Variants in CCT7 observed in about 807,000 individuals in gnomAD.
CCT7 encodes the protein chaperonin containing TCP1 subunit 7.
CCT7 carries 16 observed loss-of-function variants against 56.6 expected under a neutral mutation model. That is an observed-to-expected ratio of 0.28 (90% CI 0.19 to 0.43). The LOEUF is 0.43. Ranked by LOEUF, CCT7 falls within the 20% of genes least tolerant of loss-of-function variation. The probability of loss-of-function intolerance (pLI) is 1.00; values close to 1 mark genes in which losing one functional copy is unlikely to be tolerated. For missense variants in CCT7, 519 were observed against 685.6 expected (o/e 0.76, Z 2.71); for synonymous variants, 262 against 254.8 (o/e 1.03, Z -0.27).
chr2:73,247,934 G>A lies in CCT7; in HGVS notation c.783+8G>A, dbSNP rs746191234. On this transcript the variant is annotated splice_region_variant and intron_variant, in intron 7 of 11. Coordinates refer to ENST00000258091, the MANE Select transcript of CCT7 (RefSeq NM_006429.4). ...AGAGTCCACACAGTTGAGGTAGGTG[G>A]GTTCACCAGTTGGTGGGGGCATGGA... 6.2e-7 allele frequency: 1 copy of A among 1,610,436 alleles called. No individual in the cohort carries two copies. The highest frequency in any genetic ancestry group is 1.1e-5 in the South Asian group (1 of 90,988).
chr2:73,240,323 A>G (rs1050198219), intron 2 of CCT7, 114 bp from the exon 3 acceptor site: 3 of 585,774 alleles, frequency 5.1e-6, no homozygotes, highest in East Asian at 2.9e-5. Context: ...CTTTCCCTTC[A>G]GCCCTGCCGT....
chr2:73,244,797 AT>A, intron 6 of CCT7, 82 bp downstream of exon 6: 1 of 1,076,958 alleles, frequency 9.3e-7, no homozygotes, highest in Non-Finnish European at 1.3e-6. Flanking sequence ...AGGGGTACTC[AT>A]TACAGGAATA....
At chr2:73,244,837 GA>G (rs1687267545) in intron 6 of CCT7, 122 bp downstream of exon 6, 5 of 680,238 alleles carry the variant, frequency 7.4e-6, no homozygotes, top group African/African-American at 1.8e-5. Flanking sequence ...CAGGAAGTCA[GA>G]CTTACATTGT....
At chr2:73,239,608 G>A in intron 1 of CCT7, 35 bp from the exon 2 acceptor site, 1 of 1,596,556 alleles carries the variant, frequency 6.3e-7, no homozygotes, top group Non-Finnish European at 8.6e-7. Flanking sequence ...TATAATAGAT[G>A]ATTATTAAAA....
At chr2:73,238,100 T>C (rs1686955998) in intron 1 of CCT7, among the ~76,000 whole-genome samples, 3 of 152,204 alleles carry the variant, frequency 2.0e-5, no homozygotes, top group African/African-American at 7.2e-5. Context: ...TTGGGTATTT[T>C]TCGTTTTCTT....
intron 1 of CCT7, chr2:73,235,633 A>C (rs1408866116): frequency 1.2e-6 from 1 of 822,288 alleles, no homozygotes; most frequent in Non-Finnish European, 1.5e-6. Context: ...CTGGAGCTAC[A>C]CTGAATGCCT....
chr2:73,248,004 T>C, intron 7 of CCT7, 78 bp downstream of exon 7: 1 of 1,294,038 alleles, frequency 7.7e-7, no homozygotes, highest in Non-Finnish European at 1.1e-6. Context: ...TCATGGCTAT[T>C]GTGGGCCCCT....
In CCT7 at chr2:73,252,868, C is replaced by A. The variant is rs1346477749; in HGVS notation, c.*7C>A. ...TCGTGGCCGCCCCCACTGAGAGGCA[C>A]CCCACCCATCACATGGCTGGCTGGC... On this transcript the variant is annotated 3_prime_UTR_variant, in exon 12 of 12. Transcript: ENST00000258091. 2.5e-6 allele frequency: 4 copies of A among 1,606,452 alleles called. No individual in the cohort carries two copies. The highest frequency in any genetic ancestry group is 1.1e-5 in the South Asian group (1 of 90,640).
At chr2:73,242,298 GA>G (rs1292218365) in intron 3 of CCT7, among the ~76,000 whole-genome samples, 1 of 151,818 alleles carries the variant, frequency 6.6e-6, no homozygotes, top group Non-Finnish European at 1.5e-5. Flanking sequence ...TTTGCTTCTT[GA>G]GACGGAGTCT....
chr2:73,242,694 C>T (rs562224349), intron 3 of CCT7, among the ~76,000 whole-genome samples: 1 of 152,198 alleles, frequency 6.6e-6, no homozygotes, highest in South Asian at 2.1e-4. Flanking sequence ...ATGCCTTGTA[C>T]GTAACATAAG....
intron 1 of CCT7, among the ~76,000 whole-genome samples, chr2:73,234,734 C>T (rs1263585226): frequency 6.6e-6 from 1 of 152,208 alleles, no homozygotes; most frequent in East Asian, 1.9e-4. Context: ...CGTGGTTACG[C>T]GGTCGGCAGC....
chr2:73,235,904 A>G (rs552650658), intron 1 of CCT7, among the ~76,000 whole-genome samples: 2 of 152,208 alleles, frequency 1.3e-5, no homozygotes, highest in Non-Finnish European at 2.9e-5. Context: ...AAACTTCACC[A>G]GTGGGCTCTA....
chr2:73,235,387 T>G (rs1036419773), intron 1 of CCT7, among the ~76,000 whole-genome samples: 3 of 152,248 alleles, frequency 2.0e-5, no homozygotes, highest in African/African-American at 7.2e-5. Context: ...CCTGTCCGAC[T>G]CTATCTTCTG....
At position 73,250,295 on chromosome 2, in the gene CCT7, C is replaced by T. The variant is rs559879131; in HGVS notation, c.1071-11C>T. On this transcript the variant is annotated splice_polypyrimidine_tract_variant and intron_variant, in intron 9 of 11. Coordinates refer to ENST00000258091, the MANE Select transcript of CCT7 (RefSeq NM_006429.4). ...AGAGTTCATGTGTGTACTGTTTAAT[C>T]CTGGGCATAGGTACAATTTTTTTAC... The T allele has an allele frequency of 3.7e-6, 6 of 1,614,032 alleles. No individual in the cohort carries two copies. In the South Asian group the frequency reaches 6.6e-5, roughly 18 times the overall value.
In CCT7 at chr2:73,244,037, A is replaced by G; in HGVS notation, c.434A>G (p.Lys145Arg). 1 of 1,613,174 alleles carries G rather than the reference A, an allele frequency of 6.2e-7. No individual in the cohort carries two copies. The highest frequency in any genetic ancestry group is 8.5e-7 in the Non-Finnish European group (1 of 1,179,584). ...AAAGAGATTGCTGTGACCGTGAAGA[A>G]GGCAGATAAAGTGTAAGTCTGTAGT... ...KIKEIAVTVK[K>R]ADKVEQRKLL... is the part of the protein sequence containing the mutation. The change falls in exon 5 of 12, where the codon AAG becomes AGG. Residue 145 changes from lysine (K) to arginine (R), a missense_variant. Physicochemically the swap from Lys to Arg is conservative, Grantham distance 26. Transcript: ENST00000258091.
chr2:73,249,751 C>G, intron 8 of CCT7, 68 bp from the exon 9 acceptor site: 2 of 1,060,134 alleles, frequency 1.9e-6, no homozygotes, highest in Non-Finnish European at 3.0e-6. Context: ...GGCTTTGAGA[C>G]GAGGTGGCAG....
chr2:73,234,310 TGTGGGTTGCTGGGCG>T lies in CCT7; in HGVS notation c.-67_-53del. 6.3e-7 allele frequency: 1 copy of T among 1,592,226 alleles called. No homozygotes were observed. Among genetic ancestry groups the T allele is most frequent in the Non-Finnish European group, 8.6e-7 (1 of 1,160,124 alleles). On this transcript the variant is annotated 5_prime_UTR_variant, in exon 1 of 12. Transcript: ENST00000258091. ...TGGGTATTTCTATTGCGCGAGGCAT[TGTGGGTTGCTGGGCG>T]GCCCGGTCTCGGAGAAGAGGGGAGA...
At chr2:73,248,391 C>G (rs1289070451) in intron 7 of CCT7, among the ~76,000 whole-genome samples, 2 of 151,722 alleles carry the variant, frequency 1.3e-5, no homozygotes, top group Middle Eastern at 3.2e-3. Context: ...CGCTCTGTTG[C>G]CCAGGCTGGA....
intron 4 of CCT7, among the ~76,000 whole-genome samples, chr2:73,243,597 T>G (rs951822216): frequency 1.3e-5 from 2 of 152,222 alleles, no homozygotes; most frequent in Non-Finnish European, 2.9e-5. Context: ...ATAAAAAGTT[T>G]ATATATTTGT....
Sources: gnomAD v4.1 joint callset for allele counts (sites outside exome capture counted in the v4.1 genomes callset) on GRCh38, gnomAD v4.1.1 for gene constraint, MANE v1.5 for transcripts, NCBI Gene and HGNC (gene_info 2026-07-23, HGNC 2026-07-21) for gene names.